The following PCDHGA3 variants were observed in gnomAD, a reference collection of about 807,000 sequenced individuals.
PCDHGA3 encodes protocadherin gamma-A3.
PCDHGA3 carries 40 observed loss-of-function variants against 58.5 expected under a neutral mutation model. That is an observed-to-expected ratio of 0.68 (90% CI 0.53 to 0.89). PCDHGA3 has a LOEUF of 0.89. PCDHGA3 is among the 40% of genes least tolerant of loss of function. The pLI is 0.00. For synonymous variants in PCDHGA3, 530 were observed against 525.7 expected (o/e 1.01, Z -0.11); for missense variants, 1,223 against 1,195.9 (o/e 1.02, Z -0.33).
intron 1 of PCDHGA3, among the ~76,000 whole-genome samples, chr5:141,472,026 G>C (rs2099269805): frequency 6.6e-6 from 1 of 152,108 alleles, no homozygotes; most frequent in Non-Finnish European, 1.5e-5. Context: ...ATTGTATGTA[G>C]AAAGCTGTGA....
chr5:141,351,439 C>T (rs1588487704), intron 1 of PCDHGA3: 1 of 1,612,428 alleles, frequency 6.2e-7, no homozygotes, highest in East Asian at 2.2e-5. Flanking sequence ...TAGAATCCAC[C>T]TCGAAGAATT....
At chr5:141,407,453 C>G (rs914537742) in intron 1 of PCDHGA3, among the ~76,000 whole-genome samples, 18 of 148,834 alleles carry the variant, frequency 1.2e-4, no homozygotes, top group African/African-American at 4.4e-4. Flanking sequence ...ACACGAGGCT[C>G]ACCAGACAGA....
At chr5:141,418,946 G>A in intron 1 of PCDHGA3, 3 of 1,614,018 alleles carry the variant, frequency 1.9e-6, no homozygotes, top group South Asian at 1.1e-5. Flanking sequence ...TTCCCCTCCA[G>A]GAGTGGTTGT....
chr5:141,372,231 G>A, intron 1 of PCDHGA3: 2 of 1,613,374 alleles, frequency 1.2e-6, no homozygotes, highest in Non-Finnish European at 8.5e-7. Flanking sequence ...GCAGGCCAGC[G>A]AGCCCGGGCT....
Position 141,423,884 on chromosome 5 carries a change from T to C in PCDHGA3, c.2425-70923T>C, listed in dbSNP as rs1253750785. On this transcript the variant is annotated intron_variant, in intron 1 of 3. Transcript: ENST00000253812. ...TGAAAGTCATTTTTCAATCTTGGCA[T>C]ATTTTCTTTTGATTTCAAAGGGGCC... The C allele has an allele frequency of 6.2e-6, 8 of 1,282,566 alleles. No individual in the cohort carries two copies. In the African/African-American group the frequency reaches 1.2e-4, roughly 20 times the overall value. 79.4% of individuals were successfully genotyped at this position (1,282,566 alleles called of 1,614,324 possible). A position where few individuals can be genotyped will look rare whatever the true frequency, so the allele number is the denominator to read the frequency against.
rs1258238617 is a variant in PCDHGA3, at chr5:141,409,461, T to A, written c.2424+63004T>A. On this transcript the variant is annotated intron_variant, in intron 1 of 3. Coordinates refer to ENST00000253812, the MANE Select transcript of PCDHGA3 (RefSeq NM_018916.4). ...CGAGAGCAGACACCAGAATACAATG[T>A]CACCATCGTAGCCACTGACAGGGGC... The A allele has an allele frequency of 5.0e-6, 8 of 1,613,928 alleles. No homozygotes were observed. In the Admixed American group the frequency reaches 1.3e-4, roughly 27 times the overall value.
intron 1 of PCDHGA3, among the ~76,000 whole-genome samples, chr5:141,461,985 G>C (rs894777268): frequency 2.6e-5 from 4 of 152,170 alleles, no homozygotes; most frequent in Non-Finnish European, 5.9e-5. Flanking sequence ...CACCACGCCA[G>C]GCTAATTTTG....
rs200604016 is a variant in PCDHGA3, at chr5:141,345,466, A to T, written c.1433A>T (p.Asp478Val). The change falls in exon 1 of 4, where the codon GAC (aspartate) becomes GTC (valine). Residue 478 changes from aspartate (D) to valine (V), a missense_variant. Asp to Val is a radical substitution (Grantham distance 152, BLOSUM62 -3). Transcript: ENST00000253812. ...TCCATCTTCTCAGTGACAGCCCAGG[A>T]CCCAGATAGCAACAACAACGCCCGC... Reference protein sequence around the residue: ...GASIFSVTAQDPDSNNNARIT... With the variant: ...GASIFSVTAQVPDSNNNARIT... The T allele has an allele frequency of 8.5e-4, 1,364 of 1,614,074 alleles. 3 individuals carry two copies. The highest frequency in any genetic ancestry group is 1.0e-3 in the Non-Finnish European group (1,222 of 1,180,008).
chr5:141,372,431 C>T (rs1389799630), intron 1 of PCDHGA3: 1 of 1,614,052 alleles, frequency 6.2e-7, no homozygotes, highest in East Asian at 2.2e-5. Context: ...GCGACCGCCC[C>T]ACTCCCTCTG....
At chr5:141,394,948 T>C (rs753376472) in intron 1 of PCDHGA3, 1 of 1,613,884 alleles carries the variant, frequency 6.2e-7, no homozygotes, top group Admixed American at 1.7e-5. Context: ...GCTGTGCTTC[T>C]GGGGCTCAGG....
At chr5:141,413,877 G>GAC (rs751994783) in intron 1 of PCDHGA3, 1 of 1,613,386 alleles carries the variant, frequency 6.2e-7, no homozygotes. Flanking sequence ...TTGTCAGTGT[G>GAC]ACTGTCTTCG....
At chr5:141,410,085 C>T (rs533911183) in intron 1 of PCDHGA3, 29 of 1,612,476 alleles carry the variant, frequency 1.8e-5, no homozygotes, top group South Asian at 1.1e-5. Flanking sequence ...GAGGTGCGCA[C>T]GGCTCGAGCC....
At chr5:141,384,210 C>A in intron 1 of PCDHGA3, 1 of 1,613,886 alleles carries the variant, frequency 6.2e-7, no homozygotes, top group Admixed American at 1.7e-5. Flanking sequence ...GGGAAACTCA[C>A]ATATTCATGC....
chr5:141,364,438 G>C (rs766900400), intron 1 of PCDHGA3: 111 of 1,613,704 alleles, frequency 6.9e-5, no homozygotes, highest in Non-Finnish European at 8.6e-5. Context: ...ACTCGATGCC[G>C]GAGGAGCTGG....
At position 141,487,991 on chromosome 5, in the gene PCDHGA3, G is replaced by C. The variant is rs932744807; in HGVS notation, c.2425-6816G>C. ...GCTGTTTTCTCTACTCTTCCTGAAA[G>C]AGGGGATCAGATTCTGAAGTACCTT... On this transcript the variant is annotated intron_variant, in intron 1 of 3. Coordinates refer to ENST00000253812, the MANE Select transcript of PCDHGA3 (RefSeq NM_018916.4). The surrounding 1 kb of genome is among the most constrained non-coding windows in gnomAD (Gnocchi z 5.0). 2.6e-5 allele frequency among the ~76,000 whole-genome samples: 4 copies of C among 152,194 alleles called. No homozygotes were observed. The highest frequency in any genetic ancestry group is 4.4e-5 in the Non-Finnish European group (3 of 68,030).
chr5:141,346,554 G>T, intron 1 of PCDHGA3, 97 bp downstream of exon 1: 1 of 1,507,300 alleles, frequency 6.6e-7, no homozygotes, highest in Non-Finnish European at 9.0e-7. Context: ...AAAGCCATGA[G>T]GTTGTCATTA....
intron 1 of PCDHGA3, chr5:141,389,509 C>T: frequency 6.2e-7 from 1 of 1,613,118 alleles, no homozygotes; most frequent in Non-Finnish European, 8.5e-7. Flanking sequence ...GCGCTCAGCG[C>T]GAACGTGAGC....
At position 141,485,568 on chromosome 5, in the gene PCDHGA3, G is replaced by T. The variant is rs1020556289; in HGVS notation, c.2425-9239G>T. 6.2e-7 allele frequency: 1 copy of T among 1,612,758 alleles called. No homozygotes were observed. Among genetic ancestry groups the T allele is most frequent in the Non-Finnish European group, 8.5e-7 (1 of 1,178,924 alleles). On this transcript the variant is annotated intron_variant, in intron 1 of 3. Coordinates refer to ENST00000253812, the MANE Select transcript of PCDHGA3 (RefSeq NM_018916.4). The surrounding 1 kb of genome is among the most constrained non-coding windows in gnomAD (Gnocchi z 5.7). Reference sequence around the variant, plus strand: ...GTAGATGTGAATGATCACGCCCCCCGTTTTCCGCGGCAGCAGCTGGACTTG... The same window carrying T: ...GTAGATGTGAATGATCACGCCCCCCTTTTTCCGCGGCAGCAGCTGGACTTG...
In PCDHGA3 at chr5:141,361,046, A is replaced by T. The variant is rs779477758; in HGVS notation, c.2424+14589A>T. ...GAAAAAACAGGAGAAATCACGACAA[A>T]GGATGATTTGGATTTTGAGATTGCA... On this transcript the variant is annotated intron_variant, in intron 1 of 3. Transcript: ENST00000253812. The T allele has an allele frequency of 7.4e-6, 12 of 1,613,592 alleles. No individual in the cohort carries two copies. The highest frequency in any genetic ancestry group is 9.3e-6 in the Non-Finnish European group (11 of 1,179,716).
Sources: gnomAD v4.1 joint callset for allele counts (sites outside exome capture counted in the v4.1 genomes callset) on GRCh38, gnomAD v4.1.1 for gene constraint, Gnocchi (gnomAD v3.1) non-coding constraint, MANE v1.5 for transcripts, NCBI Gene and HGNC (gene_info 2026-07-23, HGNC 2026-07-21) for gene names.